SBF2: variants seen among roughly 807,000 people sequenced by gnomAD.
SBF2 encodes the protein SET binding factor 2, also known as myotubularin-related protein 13.
SBF2 carries 112 observed loss-of-function variants against 225.2 expected under a neutral mutation model. The observed-to-expected ratio is 0.50, with a 90% confidence interval of 0.43 to 0.58. The LOEUF is 0.58. SBF2 is among the 20% of genes least tolerant of loss of function. SBF2 has a pLI of 0.00. For synonymous variants in SBF2, 763 were observed against 773.3 expected (o/e 0.99, Z 0.22); for missense variants, 1,996 against 2,206.2 (o/e 0.90, Z 1.91).
intron 20 of SBF2, 124 bp from the exon 21 acceptor site, chr11:9,852,873 T>C: frequency 2.6e-6 from 2 of 774,226 alleles, no homozygotes; most frequent in South Asian, 2.8e-5. Context: ...TTAAAGAGAA[T>C]TACCATTATG....
chr11:9,998,195 T>C (rs1947792602), intron 9 of SBF2, 71 bp downstream of exon 9: 1 of 910,160 alleles, frequency 1.1e-6, no homozygotes, highest in South Asian at 1.4e-5. Flanking sequence ...TTGACAAACA[T>C]TTTTAATTTT....
chr11:9,841,342 G>C (rs1358855925), intron 25 of SBF2, among the ~76,000 whole-genome samples: 4 of 152,140 alleles, frequency 2.6e-5, no homozygotes, highest in African/African-American at 9.7e-5. Flanking sequence ...AGTTAGAAGA[G>C]TCAATAGTGA....
intron 1 of SBF2, among the ~76,000 whole-genome samples, chr11:10,200,195 G>C (rs1176716327): frequency 6.6e-6 from 1 of 152,096 alleles, no homozygotes; most frequent in Non-Finnish European, 1.5e-5. Context: ...TCCATCCTGG[G>C]AAAATTACAT....
chr11:10,047,174 T>C (rs887832932), intron 2 of SBF2, among the ~76,000 whole-genome samples: 1 of 152,126 alleles, frequency 6.6e-6, no homozygotes, highest in South Asian at 2.1e-4. Context: ...GAAGACTCAA[T>C]ACTGACAAAA....
chr11:10,104,482 G>C (rs1952465343), intron 2 of SBF2, among the ~76,000 whole-genome samples: 1 of 152,168 alleles, frequency 6.6e-6, no homozygotes, highest in South Asian at 2.1e-4. Flanking sequence ...TGGAGAACAG[G>C]CTCCTAACTT....
chr11:9,871,750 C>T (rs1858774543), intron 17 of SBF2, among the ~76,000 whole-genome samples: 1 of 152,068 alleles, frequency 6.6e-6, no homozygotes, highest in South Asian at 2.1e-4. Flanking sequence ...CTCAGCCTCC[C>T]AAAGTGCTGG....
At chr11:10,011,789 C>T (rs1462790988) in intron 6 of SBF2, among the ~76,000 whole-genome samples, 1 of 152,092 alleles carries the variant, frequency 6.6e-6, no homozygotes, top group East Asian at 1.9e-4. Context: ...CAAGGGTTTG[C>T]CTTTCACCAG....
At chr11:10,243,315 C>T (rs1426897945) in intron 1 of SBF2, among the ~76,000 whole-genome samples, 1 of 151,522 alleles carries the variant, frequency 6.6e-6, no homozygotes, top group Non-Finnish European at 1.5e-5. Flanking sequence ...TTATGGGATG[C>T]AGCAAAAGCC....
chr11:10,104,194 C>CA (rs1952450773), intron 2 of SBF2, among the ~76,000 whole-genome samples: 1 of 151,984 alleles, frequency 6.6e-6, no homozygotes, highest in Non-Finnish European at 1.5e-5. Flanking sequence ...AGAGAAGATA[C>CA]TTTGTATGGT....
At position 10,211,784 on chromosome 11, in the gene SBF2, G is replaced by A. The variant is rs572822287; in HGVS notation, c.56-17797C>T. Among the ~76,000 whole-genome samples, 20 of 152,238 alleles carry A rather than the reference G, an allele frequency of 1.3e-4. No individual in the cohort carries two copies. In the South Asian group the frequency reaches 2.7e-3, roughly 21 times the overall value. On this transcript the variant is annotated intron_variant, in intron 1 of 39. Coordinates refer to ENST00000256190, the MANE Select transcript of SBF2 (RefSeq NM_030962.4). ...ACTGCTGGGTATTTCTGATGTTCTC[G>A]GTTAATTAGATTCAGTAAGGCATTT...
chr11:10,111,858 C>T (rs959854678), intron 2 of SBF2, among the ~76,000 whole-genome samples: 5 of 152,194 alleles, frequency 3.3e-5, no homozygotes, highest in African/African-American at 9.7e-5. Context: ...GCCTGGGTGA[C>T]ACAGTGAGAC....
intron 16 of SBF2, among the ~76,000 whole-genome samples, chr11:9,907,783 G>C (rs1285126745): frequency 1.3e-5 from 2 of 152,202 alleles, no homozygotes; most frequent in East Asian, 1.9e-4. Context: ...CACTTATTAA[G>C]TGTTTACTAA....
intron 16 of SBF2, among the ~76,000 whole-genome samples, chr11:9,913,693 G>A (rs1378520184): frequency 7.3e-6 from 1 of 136,684 alleles, no homozygotes; most frequent in African/African-American, 2.7e-5. Context: ...TAGCTGAGAT[G>A]TGGAAAAAAC....
chr11:10,102,798 A>G (rs1305241935), intron 2 of SBF2, among the ~76,000 whole-genome samples: 2 of 152,348 alleles, frequency 1.3e-5, no homozygotes, highest in African/African-American at 4.8e-5. Context: ...TAGAAAATTT[A>G]TCTGCTGTTT....
chr11:9,947,917 G>A (rs1489522788), intron 16 of SBF2, among the ~76,000 whole-genome samples: 1 of 152,154 alleles, frequency 6.6e-6, no homozygotes, highest in Non-Finnish European at 1.5e-5. Flanking sequence ...ATAAGATCCA[G>A]CAATTCTACT....
Position 9,812,441 on chromosome 11 carries a change from A to G in SBF2, c.4155+91T>C, listed in dbSNP as rs4910065. On this transcript the variant is annotated intron_variant, in intron 30 of 39. Coordinates refer to ENST00000256190, the MANE Select transcript of SBF2 (RefSeq NM_030962.4). ...GGAGAATGTTGGGGAGTAGGGGAAC[A>G]AAGTATTTTTTTTCTCAAATACAGT... is the stretch of plus-strand genomic sequence containing the variant. 0.27 allele frequency: 367,911 copies of G among 1,381,806 alleles called. 54,628 individuals are homozygous for G. Among genetic ancestry groups the G allele is most frequent in the Non-Finnish European group, 0.3 (293,340 of 983,164 alleles). 85.6% of individuals were successfully genotyped at this position (1,381,806 alleles called of 1,614,324 possible). A position where few individuals can be genotyped will look rare whatever the true frequency, so the allele number is the denominator to read the frequency against.
At chr11:9,817,108 T>C (rs1289194257) in intron 28 of SBF2, 84 bp from the exon 29 acceptor site, 2 of 1,475,134 alleles carry the variant, frequency 1.4e-6, no homozygotes, top group African/African-American at 1.4e-5. Flanking sequence ...GCTCTGGAGC[T>C]ACAGTTTTAG....
Position 10,133,538 on chromosome 11 carries a change from A to G in SBF2, c.141+60364T>C, listed in dbSNP as rs891322137. Among the ~76,000 whole-genome samples the G allele has an allele frequency of 2.2e-5, 3 of 135,136 alleles. 1 individual carries two copies. The highest frequency in any genetic ancestry group is 5.1e-5 in the Non-Finnish European group (3 of 58,368). The allele number at this position is 135,136 out of a possible 152,430, so 88.7% of individuals were successfully genotyped here. On this transcript the variant is annotated intron_variant, in intron 2 of 39. Coordinates refer to ENST00000256190, the MANE Select transcript of SBF2 (RefSeq NM_030962.4). ...GGGACTCAGTACACCCTCCGCAGCC[A>G]CTGGCCTGGGTGCTAAGTCCCCCAT... is the stretch of plus-strand genomic sequence containing the variant.
chr11:9,816,570 G>A (rs528668161), intron 29 of SBF2, among the ~76,000 whole-genome samples: 35 of 151,996 alleles, frequency 2.3e-4, no homozygotes, highest in African/African-American at 6.8e-4. Context: ...ATGTATGTAC[G>A]CTTCCTGATG....
Sources: gnomAD v4.1 joint callset for allele counts (sites outside exome capture counted in the v4.1 genomes callset) on GRCh38, gnomAD v4.1.1 for gene constraint, MANE v1.5 for transcripts, NCBI Gene and HGNC (gene_info 2026-07-23, HGNC 2026-07-21) for gene names.